The following DNAH17 variants were observed in gnomAD, a reference collection of about 807,000 sequenced individuals.
The protein encoded by DNAH17 is axonemal beta dynein heavy chain 17.
Under a neutral mutation model 485.6 loss-of-function variants are expected in DNAH17, and 376 were observed. The observed-to-expected ratio is 0.77, with a 90% CI of 0.71 to 0.84. The LOEUF (loss-of-function observed/expected upper bound fraction) is 0.84. DNAH17 is among the 40% of genes least tolerant of loss of function. The probability of loss-of-function intolerance (pLI) is 0.00; values close to 1 mark genes in which losing one functional copy is unlikely to be tolerated. For synonymous variants in DNAH17, 3,031 were observed against 2,405.9 expected (o/e 1.26, Z -7.60); for missense variants, 6,370 against 5,839.3 (o/e 1.09, Z -2.96).
chr17:78,517,280 G>A (rs1234364391), intron 25 of DNAH17, among the ~76,000 whole-genome samples: 1 of 152,340 alleles, frequency 6.6e-6, no homozygotes, highest in South Asian at 2.1e-4. Flanking sequence ...CCGGCCTCAA[G>A]TGATCCGCCC....
chr17:78,515,394 A>T (rs141555180), intron 25 of DNAH17, among the ~76,000 whole-genome samples: 1 of 152,168 alleles, frequency 6.6e-6, no homozygotes, highest in Admixed American at 6.5e-5. Context: ...CTGTAATCCC[A>T]GCTACTTGGG....
intron 36 of DNAH17, 52 bp from the exon 37 acceptor site, chr17:78,499,164 C>CG (rs2090182733): frequency 5.6e-6 from 7 of 1,243,806 alleles, no homozygotes; most frequent in Admixed American, 2.6e-5. Flanking sequence ...ACAGGGAGGG[C>CG]GGGCGCTGCA....
Position 78,571,596 on chromosome 17 carries a change from A to G in DNAH17, c.726T>C (p.His242=). The change falls in exon 4 of 81, where the codon CAT becomes CAC. Residue 242 remains histidine (H), a synonymous_variant. Coordinates refer to ENST00000389840, the MANE Select transcript of DNAH17 (RefSeq NM_173628.4). ...DTRLLNLKCI[H]EQLNRPKVNK... is the part of the protein sequence containing the mutation. Reference sequence around the variant, plus strand: ...AGGAGAGAGGAGGCCGTACCTGTTCATGGATGCACTTGAGGTTCAGCAGCC... The same window carrying G: ...AGGAGAGAGGAGGCCGTACCTGTTCGTGGATGCACTTGAGGTTCAGCAGCC... The G allele has an allele frequency of 6.2e-7, 1 of 1,613,884 alleles. No homozygotes were observed. Among genetic ancestry groups the G allele is most frequent in the Non-Finnish European group, 8.5e-7 (1 of 1,179,878 alleles).
At chr17:78,487,233 T>G (rs1166715305) in intron 44 of DNAH17, among the ~76,000 whole-genome samples, 1 of 152,202 alleles carries the variant, frequency 6.6e-6, no homozygotes, top group African/African-American at 2.4e-5. Flanking sequence ...GGCAGGTTAC[T>G]GCACATGCCT....
intron 31 of DNAH17, among the ~76,000 whole-genome samples, chr17:78,504,186 C>T (rs2090405363): frequency 6.6e-6 from 1 of 151,872 alleles, no homozygotes; most frequent in African/African-American, 2.4e-5. Flanking sequence ...ATGCCTCAAC[C>T]TCCCGAGTAG....
chr17:78,497,348 G>C (rs1240711098), intron 37 of DNAH17, among the ~76,000 whole-genome samples: 2 of 152,134 alleles, frequency 1.3e-5, no homozygotes, highest in African/African-American at 4.8e-5. Flanking sequence ...GGACAGCCAA[G>C]TCCTGGTGCC....
chr17:78,570,172 C>T, intron 7 of DNAH17, 75 bp downstream of exon 7: 1 of 1,463,154 alleles, frequency 6.8e-7, no homozygotes, highest in Non-Finnish European at 9.2e-7. Flanking sequence ...ACATGGGCAG[C>T]AGGAAAACAG....
chr17:78,542,822 A>G (rs4969167), intron 17 of DNAH17, among the ~76,000 whole-genome samples: 124,386 of 152,226 alleles, frequency 0.82, 51,130 homozygotes, highest in African/African-American at 0.91. Context: ...GTGCACGTTC[A>G]AATGGTCCTC....
intron 33 of DNAH17, 200 bp from the exon 34 acceptor site, chr17:78,502,073 C>G: frequency 1.5e-6 from 1 of 646,584 alleles, no homozygotes; most frequent in East Asian, 2.9e-5. Flanking sequence ...CTGGCAGTGG[C>G]TAGCATGGAC....
chr17:78,556,380 C>T (rs961518224), intron 14 of DNAH17, among the ~76,000 whole-genome samples: 6 of 152,216 alleles, frequency 3.9e-5, no homozygotes, highest in African/African-American at 1.4e-4. Flanking sequence ...CAGAAGGAGG[C>T]AGCCCAGCGG....
chr17:78,445,816 G>A (rs946203968), intron 69 of DNAH17, 136 bp from the exon 70 acceptor site: 3 of 958,970 alleles, frequency 3.1e-6, no homozygotes, highest in South Asian at 1.7e-5. Context: ...TTTGGTTTGG[G>A]GTAAAGTTTT....
intron 9 of DNAH17, among the ~76,000 whole-genome samples, chr17:78,568,741 G>A (rs570479060): frequency 1.1e-4 from 17 of 152,298 alleles, no homozygotes; most frequent in African/African-American, 3.9e-4. Context: ...GTGAGCCACT[G>A]GGCTGGGCCA....
chr17:78,459,763 C>T (rs553000161), intron 60 of DNAH17, 21 bp downstream of exon 60: 17 of 1,612,822 alleles, frequency 1.1e-5, no homozygotes, highest in South Asian at 7.7e-5. Flanking sequence ...GCCCCGGCTA[C>T]GAGGCCCAGC....
intron 75 of DNAH17, among the ~76,000 whole-genome samples, chr17:78,433,295 A>G (rs1015812296): frequency 6.6e-6 from 1 of 152,140 alleles, no homozygotes; most frequent in Non-Finnish European, 1.5e-5. Flanking sequence ...GAGACCGTAG[A>G]TGGGGCTGCA....
At chr17:78,473,403 G>A (rs1248376785) in intron 54 of DNAH17, among the ~76,000 whole-genome samples, 6 of 152,100 alleles carry the variant, frequency 3.9e-5, no homozygotes, top group East Asian at 3.9e-4. Flanking sequence ...AATTAGACGG[G>A]CGTGGTGGCG....
At position 78,440,023 on chromosome 17, in the gene DNAH17, C is replaced by T. The variant is rs142005804; in HGVS notation, c.11678-806G>A. 3.4e-3 allele frequency among the ~76,000 whole-genome samples: 522 copies of T among 151,652 alleles called. 4 individuals carry two copies. Among genetic ancestry groups the T allele is most frequent in the African/African-American group, 0.012 (503 of 41,318 alleles). On this transcript the variant is annotated intron_variant, in intron 72 of 80. Transcript: ENST00000389840. ...TCTGTCACCTAGCCTGAACTCCACT[C>T]CCCAAGCTCAAGTGATCCTTCTGCC...
intron 73 of DNAH17, among the ~76,000 whole-genome samples, chr17:78,438,561 A>C (rs1364683514): frequency 1.4e-5 from 2 of 143,590 alleles, no homozygotes; most frequent in African/African-American, 5.2e-5. Flanking sequence ...GCAGTGGTGC[A>C]CTCTTGGCTC....
In DNAH17 at chr17:78,514,816, G is replaced by A. The variant is rs767866662; in HGVS notation, c.4071C>T (p.Ala1357=). The A allele has an allele frequency of 6.2e-7, 1 of 1,613,934 alleles. No homozygotes were observed. Among genetic ancestry groups the A allele is most frequent in the African/African-American group, 1.3e-5 (1 of 74,946 alleles). The change falls in exon 26 of 81, where the codon GCC becomes GCT. Residue 1357 remains alanine, a synonymous_variant. Transcript: ENST00000389840. The part of the protein sequence containing the change: ...LRAVSELQNP[A]IRERHWQQLM... Reference sequence around the variant, plus strand: ...GCTGCTGCCAGTGGCGTTCCCGAATGGCAGGGTTCTGCAGCTCGCTCACGG... The same window carrying A: ...GCTGCTGCCAGTGGCGTTCCCGAATAGCAGGGTTCTGCAGCTCGCTCACGG...
intron 24 of DNAH17, among the ~76,000 whole-genome samples, 178 bp downstream of exon 24, chr17:78,526,473 C>T (rs746642982): frequency 9.2e-5 from 14 of 152,282 alleles, no homozygotes; most frequent in Admixed American, 2.6e-4. Context: ...TTCACGTACA[C>T]ACCCATGCAT....
Sources: allele counts gnomAD v4.1 joint callset (sites outside exome capture counted in the v4.1 genomes callset), GRCh38; gene constraint gnomAD v4.1.1; transcripts MANE v1.5; gene names NCBI Gene and HGNC (gene_info 2026-07-23, HGNC 2026-07-21).